The following FNDC3B variants were observed in gnomAD, a reference collection of about 807,000 sequenced individuals.
FNDC3B encodes the protein fibronectin type III domain containing 3B.
FNDC3B carries 12 observed loss-of-function variants against 151.5 expected under a neutral mutation model. The ratio of observed to expected loss-of-function variants is 0.08; its 90% CI spans 0.05 to 0.13. FNDC3B has a LOEUF of 0.13. FNDC3B is among the 10% of genes least tolerant of loss of function. FNDC3B has a pLI of 1.00. For synonymous variants in FNDC3B, 528 were observed against 549.0 expected (o/e 0.96, Z 0.54); for missense variants, 1,214 against 1,505.3 (o/e 0.81, Z 3.20).
At chr3:172,190,246 T>C (rs1321960561) in intron 3 of FNDC3B, among the ~76,000 whole-genome samples, 1 of 152,194 alleles carries the variant, frequency 6.6e-6, no homozygotes, top group African/African-American at 2.4e-5. Flanking sequence ...ATGAGCATGA[T>C]GCTATGGGAA....
At position 172,236,793 on chromosome 3, in the gene FNDC3B, G is replaced by T. The variant is rs139159068; in HGVS notation, c.264+9846G>T. 8.0e-4 allele frequency among the ~76,000 whole-genome samples: 122 copies of T among 152,290 alleles called. 1 individual carries two copies. The highest frequency in any genetic ancestry group is 2.7e-3 in the African/African-American group (114 of 41,558). On this transcript the variant is annotated intron_variant, in intron 4 of 25. Transcript: ENST00000415807. ...ATAAGATGTGTCTCTTGACCTTGCT[G>T]GACTTCCTTCTTAATTTGGAAAGTC... is the stretch of plus-strand genomic sequence containing the variant.
intron 3 of FNDC3B, among the ~76,000 whole-genome samples, chr3:172,174,144 A>G (rs931439087): frequency 5.3e-5 from 8 of 152,178 alleles, no homozygotes; most frequent in African/African-American, 1.9e-4. Context: ...AATGACTCTC[A>G]TTCTCTTTTA....
intron 16 of FNDC3B, chr3:172,337,744 G>A (rs993820403): frequency 7.5e-6 from 2 of 267,960 alleles, no homozygotes; most frequent in Non-Finnish European, 1.4e-5. Context: ...GAGGGCAGTG[G>A]CACAAACATG....
chr3:172,309,867 T>G (rs1731380021), intron 10 of FNDC3B, among the ~76,000 whole-genome samples: 1 of 152,212 alleles, frequency 6.6e-6, no homozygotes, highest in South Asian at 2.1e-4. Context: ...ATTAAACAGC[T>G]AGCACCAGAC....
intron 3 of FNDC3B, among the ~76,000 whole-genome samples, chr3:172,212,404 C>T (rs1725776325): frequency 1.3e-5 from 2 of 152,146 alleles, no homozygotes; most frequent in African/African-American, 4.8e-5. Flanking sequence ...CTTTCCAAGT[C>T]ATTCTTCTGA....
At chr3:172,138,072 A>T (rs373583088) in intron 3 of FNDC3B, among the ~76,000 whole-genome samples, 1 of 152,156 alleles carries the variant, frequency 6.6e-6, no homozygotes, top group Non-Finnish European at 1.5e-5. Flanking sequence ...CCATCTCTTT[A>T]TCTGCTCCCT....
At chr3:172,347,184 T>C in intron 20 of FNDC3B, 28 bp from the exon 21 acceptor site, 1 of 1,596,302 alleles carries the variant, frequency 6.3e-7, no homozygotes, top group Non-Finnish European at 8.5e-7. Flanking sequence ...AGTGGCATTA[T>C]TAACTACTTC....
intron 14 of FNDC3B, among the ~76,000 whole-genome samples, chr3:172,334,304 G>A (rs1008850236): frequency 6.8e-6 from 1 of 146,050 alleles, no homozygotes; most frequent in Non-Finnish European, 1.5e-5. Flanking sequence ...TTAAAAAGTG[G>A]GGCTATTTTT....
intron 3 of FNDC3B, among the ~76,000 whole-genome samples, chr3:172,176,552 G>A (rs1052691874): frequency 3.3e-5 from 5 of 152,182 alleles, no homozygotes; most frequent in Non-Finnish European, 7.3e-5. Context: ...TACAGGAAGA[G>A]GAAGGGGTGG....
At chr3:172,305,252 C>T (rs1048345096) in intron 9 of FNDC3B, among the ~76,000 whole-genome samples, 2 of 152,172 alleles carry the variant, frequency 1.3e-5, no homozygotes, top group African/African-American at 4.8e-5. Flanking sequence ...CCCATTTCCT[C>T]AGTTCTAAGA....
intron 21 of FNDC3B, among the ~76,000 whole-genome samples, chr3:172,351,496 A>G (rs532403077): frequency 6.6e-6 from 1 of 152,236 alleles, no homozygotes; most frequent in Non-Finnish European, 1.5e-5. Context: ...AGCAGATCAT[A>G]TAGTCCTGTA....
In FNDC3B at chr3:172,285,906, T is replaced by C. The variant is rs181503889; in HGVS notation, c.791-20T>C. On this transcript the variant is annotated intron_variant, in intron 6 of 25. Transcript: ENST00000415807. ...CCTTCTAATGGTATTGTTTTTCCTTTTTTCTTTTTCGCAATGCAGAATATG... is the reference window on the plus strand; with the variant it reads ...CCTTCTAATGGTATTGTTTTTCCTTCTTTCTTTTTCGCAATGCAGAATATG... The C allele has an allele frequency of 1.9e-5, 30 of 1,608,384 alleles. No homozygotes were observed. The African/African-American group carries it at 3.3e-4, about 18-fold the overall frequency.
intron 2 of FNDC3B, among the ~76,000 whole-genome samples, chr3:172,113,101 G>T (rs186832767): frequency 1.1e-3 from 162 of 152,264 alleles, no homozygotes; most frequent in African/African-American, 3.3e-3. Context: ...GTGGAATAGA[G>T]TTATTTGTGA....
intron 1 of FNDC3B, among the ~76,000 whole-genome samples, chr3:172,071,130 C>A (rs551371455): frequency 6.6e-6 from 1 of 152,112 alleles, no homozygotes. Context: ...CTTAATTATT[C>A]AATTAAAAAA....
At chr3:172,336,233 T>C (rs1311612781) in intron 15 of FNDC3B, among the ~76,000 whole-genome samples, 2 of 152,236 alleles carry the variant, frequency 1.3e-5, no homozygotes, top group Non-Finnish European at 2.9e-5. Context: ...AAATCTCCGC[T>C]ATGTCTAAGA....
intron 23 of FNDC3B, among the ~76,000 whole-genome samples, chr3:172,367,278 T>G (rs1271859851): frequency 2.6e-5 from 1 of 38,828 alleles, no homozygotes; most frequent in East Asian, 3.5e-4. Flanking sequence ...ATCATCGATT[T>G]TTTTTTTTTC....
chr3:172,362,557 C>A, intron 22 of FNDC3B, 76 bp from the exon 23 acceptor site: 1 of 1,086,554 alleles, frequency 9.2e-7, no homozygotes, highest in Non-Finnish European at 1.4e-6. Context: ...AAATACTATG[C>A]TCAATGTTTA....
intron 9 of FNDC3B, among the ~76,000 whole-genome samples, chr3:172,305,388 C>A (rs1191429756): frequency 6.6e-6 from 1 of 152,158 alleles, no homozygotes; most frequent in Non-Finnish European, 1.5e-5. Context: ...CTCTTTCTTG[C>A]AACTTGTTTG....
chr3:172,346,310 C>T lies in FNDC3B; in HGVS notation c.2251-17C>T, dbSNP rs767486097. ...ACGCATATATACATACGTGTGTGTGCGTGTGTTTTCTTTCAGTATGGTCCC... is the reference window on the plus strand; with the variant it reads ...ACGCATATATACATACGTGTGTGTGTGTGTGTTTTCTTTCAGTATGGTCCC... On this transcript the variant is annotated splice_polypyrimidine_tract_variant and intron_variant, in intron 19 of 25. Transcript: ENST00000415807. The T allele has an allele frequency of 1.1e-5, 16 of 1,428,238 alleles. No homozygotes were observed. The highest frequency in any genetic ancestry group is 1.7e-5 in the Admixed American group (1 of 58,976). 88.5% of individuals were successfully genotyped at this position (1,428,238 alleles called of 1,614,324 possible).
Sources: allele counts gnomAD v4.1 joint callset (sites outside exome capture counted in the v4.1 genomes callset), GRCh38; gene constraint gnomAD v4.1.1; transcripts MANE v1.5; gene names NCBI Gene and HGNC (gene_info 2026-07-23, HGNC 2026-07-21).